Variants in ZNF536 observed in about 807,000 individuals in gnomAD.
ZNF536 encodes zinc finger protein 536.
A neutral mutation model predicts 84.5 loss-of-function variants in ZNF536; 13 were observed. The ratio of observed to expected loss-of-function variants is 0.15; its 90% confidence interval spans 0.10 to 0.24. The LOEUF is 0.24. ZNF536 is among the 10% of genes least tolerant of loss of function. The pLI, the probability that ZNF536 is intolerant of heterozygous loss-of-function variation, is 1.00. For synonymous variants in ZNF536, 811 were observed against 742.5 expected, an observed-to-expected ratio of 1.09 and a Z score of -1.50; for missense variants, 1,536 against 1,747.5, an observed-to-expected ratio of 0.88 and a Z score of 2.16.
chr19:30,709,191 T>C, intron 1 of ZNF536, among the ~76,000 whole-genome samples: 1 of 152,316 alleles, frequency 6.6e-6, no homozygotes, highest in South Asian at 2.1e-4. Flanking sequence ...TCCACAGGAA[T>C]CCACCTCCTG....
intron 2 of ZNF536, among the ~76,000 whole-genome samples, chr19:30,495,607 G>A (rs1346114295): frequency 1.3e-5 from 2 of 152,214 alleles, no homozygotes; most frequent in Non-Finnish European, 2.9e-5. Flanking sequence ...TGGAGCGTAG[G>A]CCCACAGGGC....
At chr19:30,648,011 G>A (rs1170495893) in intron 1 of ZNF536, among the ~76,000 whole-genome samples, 2 of 152,174 alleles carry the variant, frequency 1.3e-5, no homozygotes, top group African/African-American at 4.8e-5. Context: ...CTTCTGCTCA[G>A]TGCCTCCAAT....
At chr19:30,243,977 A>G (rs1477144160) in intron 1 of ZNF536, among the ~76,000 whole-genome samples, 1 of 151,442 alleles carries the variant, frequency 6.6e-6, no homozygotes, top group Non-Finnish European at 1.5e-5. Flanking sequence ...ACTTTTTCCT[A>G]TATATATTTA....
At chr19:30,551,947 G>A (rs996559304) in intron 4 of ZNF536, among the ~76,000 whole-genome samples, 1 of 151,934 alleles carries the variant, frequency 6.6e-6, no homozygotes, top group African/African-American at 2.4e-5. Flanking sequence ...ATTTTCTTGC[G>A]GGCTACTGTG....
At chr19:30,641,873 T>A (rs1013579786) in intron 1 of ZNF536, among the ~76,000 whole-genome samples, 1 of 152,092 alleles carries the variant, frequency 6.6e-6, no homozygotes, top group African/African-American at 2.4e-5. Context: ...GTGGGGCAAG[T>A]CCTTGAAGGT....
intron 1 of ZNF536, among the ~76,000 whole-genome samples, chr19:30,602,041 T>G (rs2047705734): frequency 6.6e-6 from 1 of 152,250 alleles, no homozygotes; most frequent in South Asian, 2.1e-4. Context: ...ATTCAAGCTG[T>G]GCACACTGCA....
intron 1 of ZNF536, among the ~76,000 whole-genome samples, chr19:30,644,800 C>T (rs1407739536): frequency 6.6e-6 from 1 of 152,190 alleles, no homozygotes; most frequent in Non-Finnish European, 1.5e-5. Flanking sequence ...CAAGTCTTTC[C>T]TATTGTGAAT....
At chr19:30,425,214 G>A (rs11672339) in intron 1 of ZNF536, among the ~76,000 whole-genome samples, 85,927 of 151,050 alleles carry the variant, frequency 0.57, 25,289 homozygotes, top group African/African-American at 0.61. Context: ...GTTACCAAAC[G>A]CCACGTGTTC....
upstream of ZNF536, among the ~76,000 whole-genome samples, chr19:30,368,444 A>G (rs1398792688): frequency 6.6e-6 from 1 of 152,202 alleles, no homozygotes; most frequent in Non-Finnish European, 1.5e-5. Flanking sequence ...GCCCTTTGCA[A>G]CTGAAGTCAC....
chr19:30,571,451 G>A (rs2046542339), intron 1 of ZNF536, among the ~76,000 whole-genome samples: 1 of 152,184 alleles, frequency 6.6e-6, no homozygotes, highest in African/African-American at 2.4e-5. Context: ...CTTCAGTGAG[G>A]ATCATGAGCA....
chr19:30,483,861 C>T (rs2054187659), intron 2 of ZNF536, among the ~76,000 whole-genome samples: 1 of 152,078 alleles, frequency 6.6e-6, no homozygotes, highest in Non-Finnish European at 1.5e-5. Flanking sequence ...CCTCTTGGTC[C>T]CCACAGTCTT....
chr19:30,582,686 G>C (rs927299169), intron 1 of ZNF536, among the ~76,000 whole-genome samples: 2 of 152,114 alleles, frequency 1.3e-5, no homozygotes, highest in African/African-American at 2.4e-5. Flanking sequence ...GACTGGGGAG[G>C]CCTCACAATC....
At chr19:30,617,604 C>T (rs1186457467) in intron 1 of ZNF536, among the ~76,000 whole-genome samples, 1 of 151,920 alleles carries the variant, frequency 6.6e-6, no homozygotes, top group Non-Finnish European at 1.5e-5. Context: ...CCCACTGTGG[C>T]CTCCCAAAGT....
chr19:30,391,599 C>CA (rs1176779227), intron 1 of ZNF536, among the ~76,000 whole-genome samples: 40 of 152,134 alleles, frequency 2.6e-4, no homozygotes, highest in Non-Finnish European at 3.5e-4. Context: ...AACAAACAAT[C>CA]AAAAAAACTG....
intron 1 of ZNF536, among the ~76,000 whole-genome samples, chr19:30,245,287 G>A (rs2024193026): frequency 6.6e-6 from 1 of 152,114 alleles, no homozygotes; most frequent in African/African-American, 2.4e-5. Flanking sequence ...GTCCTTTTCT[G>A]TTGTCTGCAC....
chr19:30,509,618 T>G (rs571100445), intron 2 of ZNF536, among the ~76,000 whole-genome samples: 26 of 151,844 alleles, frequency 1.7e-4, no homozygotes, highest in Non-Finnish European at 2.8e-4. Flanking sequence ...AAAAGGTTAC[T>G]GTAGTGAAGC....
chr19:30,423,527 G>A (rs1331401091), intron 1 of ZNF536, among the ~76,000 whole-genome samples: 1 of 152,212 alleles, frequency 6.6e-6, no homozygotes, highest in Non-Finnish European at 1.5e-5. Flanking sequence ...GAGTGGATTG[G>A]TAAATCCCTT....
intron 1 of ZNF536, among the ~76,000 whole-genome samples, chr19:30,706,266 C>A (rs1309952564): frequency 2.0e-5 from 3 of 152,064 alleles, no homozygotes; most frequent in East Asian, 1.9e-4. Context: ...GGGTGGATCA[C>A]GAGGTCAGGA....
In ZNF536 at chr19:30,235,303, C is replaced by T. The variant is rs560523455; in HGVS notation, c.-190+6630C>T. ...GCCAGCTGCATTGGCCCAGGAGGCG[C>T]GTGTCTCAGCCTTGTTTGCACTCCT... On this transcript the variant is annotated intron_variant, in intron 1 of 5. Coordinates refer to the ZNF536 transcript ENST00000585628. 3.2e-3 allele frequency among the ~76,000 whole-genome samples: 492 copies of T among 152,270 alleles called. 5 individuals carry two copies. Among genetic ancestry groups the T allele is most frequent in the African/African-American group, 0.011 (462 of 41,552 alleles).
Sources: allele counts gnomAD v4.1 joint callset (sites outside exome capture counted in the v4.1 genomes callset), GRCh38; gene constraint gnomAD v4.1.1; transcripts MANE v1.5; gene names NCBI Gene and HGNC (gene_info 2026-07-23, HGNC 2026-07-21).